BEND7: variants seen among roughly 807,000 people sequenced by gnomAD.
BEND7 encodes the protein BEN domain-containing protein 7.
In BEND7, 28 loss-of-function variants were observed where a neutral mutation model predicts 50.9. The ratio of observed to expected loss-of-function variants is 0.55; its 90% CI spans 0.41 to 0.75. The LOEUF is 0.75. Ranked by LOEUF, BEND7 falls within the 30% of genes least tolerant of loss-of-function variation. The pLI is 0.00. For synonymous variants in BEND7, 170 were observed against 183.9 expected (o/e 0.92, Z 0.61); for missense variants, 477 against 491.3 (o/e 0.97, Z 0.28).
At chr10:13,475,101 A>C (rs2075330317) in intron 6 of BEND7, among the ~76,000 whole-genome samples, 1 of 152,242 alleles carries the variant, frequency 6.6e-6, no homozygotes, top group Non-Finnish European at 1.5e-5. Context: ...CTACACACAG[A>C]GAACAGCCGA....
At chr10:13,450,896 G>A (rs569220304) in intron 7 of BEND7, among the ~76,000 whole-genome samples, 1 of 152,156 alleles carries the variant, frequency 6.6e-6, no homozygotes, top group East Asian at 1.9e-4. Context: ...GTTAGGGGAT[G>A]TGTTCCCTGG....
chr10:13,453,061 C>T (rs147574140), intron 6 of BEND7, among the ~76,000 whole-genome samples: 7 of 152,292 alleles, frequency 4.6e-5, no homozygotes, highest in Admixed American at 2.6e-4. Flanking sequence ...AAAATTAACA[C>T]GAAAAGATGG....
In BEND7 at chr10:13,484,639, GAA is replaced by G. The variant is rs555187121; in HGVS notation, c.838-3517_838-3516del. Among the ~76,000 whole-genome samples, 341 of 152,306 alleles carry G rather than the reference GAA, an allele frequency of 2.2e-3. 3 individuals carry two copies. The highest frequency in any genetic ancestry group is 7.7e-3 in the African/African-American group (322 of 41,560). ...TGATACTCAAGCCAAAGTAGAAAGCGAATATGTTAATTTACAGATTTTAGTGA... is the reference window on the plus strand; with the variant it reads ...TGATACTCAAGCCAAAGTAGAAAGCGTATGTTAATTTACAGATTTTAGTGA... On this transcript the variant is annotated intron_variant, in intron 5 of 8. Transcript: ENST00000466271.
At chr10:13,445,742 T>G (rs1341144205) in intron 8 of BEND7, 1 of 152,134 alleles carries the variant, frequency 6.6e-6, no homozygotes, top group African/African-American at 2.4e-5. Context: ...ACAAAGGCAT[T>G]CCGTACTCAC....
At chr10:13,463,305 G>A (rs1354434202) in intron 6 of BEND7, among the ~76,000 whole-genome samples, 1 of 152,182 alleles carries the variant, frequency 6.6e-6, no homozygotes, top group Non-Finnish European at 1.5e-5. Context: ...ATGGGAAGAA[G>A]AAAACAACAC....
chr10:13,517,065 CTTTTTTT>C (rs5783329), intron 2 of BEND7, among the ~76,000 whole-genome samples: 3 of 126,108 alleles, frequency 2.4e-5, no homozygotes, highest in African/African-American at 5.8e-5. Context: ...TTTCTGGTGG[CTTTTTTT>C]TTTTTTTTTT....
chr10:13,451,416 G>C (rs1441215568), intron 7 of BEND7, among the ~76,000 whole-genome samples: 2 of 149,480 alleles, frequency 1.3e-5, no homozygotes, highest in Non-Finnish European at 3.0e-5. Context: ...TGTGTAGATA[G>C]GGTCTCCACA....
At chr10:13,528,416 G>GGGCGGCCGAGGGCGC (rs1464464579) in intron 1 of BEND7, 57 bp downstream of exon 1, 7 of 870,310 alleles carry the variant, frequency 8.0e-6, no homozygotes, top group African/African-American at 1.8e-5. Context: ...GGACCCCCGC[G>GGGCGGCCGAGGGCGC]GGCGGCCGAG....
At chr10:13,453,347 C>T (rs1002325835) in intron 6 of BEND7, among the ~76,000 whole-genome samples, 10 of 152,142 alleles carry the variant, frequency 6.6e-5, no homozygotes, top group Non-Finnish European at 1.0e-4. Context: ...CACTCCTGAG[C>T]ACTTTGAAAC....
At chr10:13,529,345 C>T (rs7077582), upstream of BEND7, among the ~76,000 whole-genome samples, 9 of 151,992 alleles carry the variant, frequency 5.9e-5, no homozygotes, top group South Asian at 2.1e-4. Flanking sequence ...CGGACCGCCC[C>T]GACAACCACC....
In BEND7 at chr10:13,478,119, T is replaced by G. The variant is rs58466576; in HGVS notation, c.1063+2780A>C. ...GACAAATTAGGGGAGAGAAAATGGT[T>G]TTGGGGAATGATGAATGGGCCCTCA... On this transcript the variant is annotated intron_variant, in intron 6 of 8. Coordinates refer to ENST00000466271, the MANE Select transcript of BEND7 (RefSeq NM_001369863.1). Among the ~76,000 whole-genome samples the G allele has an allele frequency of 4.4e-3, 663 of 151,996 alleles. 8 individuals are homozygous for G. Among genetic ancestry groups the G allele is most frequent in the African/African-American group, 0.015 (622 of 41,448 alleles).
Position 13,528,970 on chromosome 10 carries a change from G to GCGGCCC in BEND7, c.-443_-438dup, listed in dbSNP as rs1329857867. 1.7e-4 allele frequency: 25 copies of GCGGCCC among 144,674 alleles called. No homozygotes were observed. The highest frequency in any genetic ancestry group is 6.0e-4 in the African/African-American group (24 of 40,096). The allele number at this position is 144,674 out of a possible 1,614,324, so 9.0% of individuals were successfully genotyped here. ...GCCTGCGGTCGCGGCGGCGGCGGCG[G>GCGGCCC]CGGCCCCGAAGACGCGGCGGGCGGG... On this transcript the variant is annotated 5_prime_UTR_variant, in exon 1 of 9. Coordinates refer to ENST00000466271, the MANE Select transcript of BEND7 (RefSeq NM_001369863.1).
At chr10:13,496,456 C>G (rs139082992) in intron 4 of BEND7, among the ~76,000 whole-genome samples, 7 of 152,170 alleles carry the variant, frequency 4.6e-5, no homozygotes, top group African/African-American at 1.4e-4. Context: ...CCTAAAGGAC[C>G]CCTCCATACA....
intron 2 of BEND7, among the ~76,000 whole-genome samples, chr10:13,517,222 C>A (rs1043129365): frequency 2.6e-5 from 4 of 151,798 alleles, no homozygotes; most frequent in African/African-American, 9.7e-5. Context: ...TGACACCTGG[C>A]TAATTTTTGT....
chr10:13,478,557 C>T (rs1564318216), intron 6 of BEND7, among the ~76,000 whole-genome samples: 2 of 151,506 alleles, frequency 1.3e-5, no homozygotes, highest in Non-Finnish European at 2.9e-5. Flanking sequence ...AAATCTGATA[C>T]CACATTCACA....
downstream of BEND7, among the ~76,000 whole-genome samples, chr10:13,439,922 G>C (rs1835124052): frequency 6.6e-6 from 1 of 152,092 alleles, no homozygotes; most frequent in Non-Finnish European, 1.5e-5. Flanking sequence ...CTCCCCTCTC[G>C]CCCGTCTTTT....
At chr10:13,518,275 G>A (rs570479068) in intron 2 of BEND7, among the ~76,000 whole-genome samples, 41 of 150,020 alleles carry the variant, frequency 2.7e-4, no homozygotes, top group Admixed American at 1.7e-3. Flanking sequence ...GCCCCCATGC[G>A]GGCCGTGGCG....
chr10:13,523,878 C>T (rs1430427418), intron 2 of BEND7, among the ~76,000 whole-genome samples: 2 of 152,176 alleles, frequency 1.3e-5, no homozygotes, highest in African/African-American at 4.8e-5. Flanking sequence ...GAACCAACTA[C>T]ATGATGACCC....
intron 2 of BEND7, among the ~76,000 whole-genome samples, chr10:13,525,212 T>A (rs1266075454): frequency 6.6e-6 from 1 of 152,190 alleles, no homozygotes; most frequent in Non-Finnish European, 1.5e-5. Context: ...CACCATCTAC[T>A]CTCCACCCTG....
Sources: allele counts gnomAD v4.1 joint callset (sites outside exome capture counted in the v4.1 genomes callset), GRCh38; gene constraint gnomAD v4.1.1; transcripts MANE v1.5; gene names NCBI Gene and HGNC (gene_info 2026-07-23, HGNC 2026-07-21).